GALNT18: variants seen among roughly 807,000 people sequenced by gnomAD.
GALNT18 encodes the protein polypeptide N-acetylgalactosaminyltransferase 18, also known as GalNAc-transferase 18.
A neutral mutation model predicts 69.5 loss-of-function variants in GALNT18; 44 were observed. That is an observed-to-expected ratio of 0.63 (90% CI 0.50 to 0.81). GALNT18 has a LOEUF of 0.81. Ranked by LOEUF, GALNT18 falls within the 40% of genes least tolerant of loss-of-function variation. The pLI is 0.00. For missense variants in GALNT18, 715 were observed against 810.0 expected (o/e 0.88, Z 1.42); for synonymous variants, 364 against 318.2 (o/e 1.14, Z -1.53).
At chr11:11,490,090 G>A (rs1856729889) in intron 1 of GALNT18, among the ~76,000 whole-genome samples, 1 of 152,182 alleles carries the variant, frequency 6.6e-6, no homozygotes, top group Admixed American at 6.5e-5. Flanking sequence ...CTTCATGAAT[G>A]CATTAATGCC....
In GALNT18 at chr11:11,503,887, G is replaced by A. The variant is rs1857020611; in HGVS notation, c.236-54951C>T. On this transcript the variant is annotated intron_variant, in intron 1 of 10. Coordinates refer to ENST00000227756, the MANE Select transcript of GALNT18 (RefSeq NM_198516.3). ...AATCTCCCTGGTCAAATCATTGCCA[G>A]CAGTGCAGAAACCCCTTGTTCTCCC... Among the ~76,000 whole-genome samples the A allele has an allele frequency of 3.3e-5, 5 of 152,302 alleles. No homozygotes were observed. The South Asian group carries it at 1.0e-3, about 32-fold the overall frequency.
chr11:11,536,152 G>A (rs1409214886), intron 1 of GALNT18, among the ~76,000 whole-genome samples: 2 of 152,068 alleles, frequency 1.3e-5, no homozygotes, highest in Admixed American at 1.3e-4. Context: ...CAAGACCTTG[G>A]GCTAAATTGG....
chr11:11,551,328 C>T (rs1858184464), intron 1 of GALNT18, among the ~76,000 whole-genome samples: 1 of 152,082 alleles, frequency 6.6e-6, no homozygotes, highest in Admixed American at 6.5e-5. Flanking sequence ...TCTTCACCCT[C>T]CCCTGAAGGA....
chr11:11,290,561 C>T (rs1849278585), intron 10 of GALNT18, among the ~76,000 whole-genome samples: 2 of 152,226 alleles, frequency 1.3e-5, no homozygotes, highest in Non-Finnish European at 1.5e-5. Context: ...GCTCCCTGAG[C>T]ACAGCCTGCT....
intron 1 of GALNT18, among the ~76,000 whole-genome samples, chr11:11,467,081 A>G (rs1856169409): frequency 6.6e-6 from 1 of 152,242 alleles, no homozygotes; most frequent in African/African-American, 2.4e-5. Context: ...GGAGGAGAAC[A>G]TCTTCCGAAC....
rs1859599274 is a variant in GALNT18 at position 11,600,170 on chromosome 11, G to GAGA, written c.235+21186_235+21188dup. Reference sequence around the variant, plus strand: ...TAAATCAGTTAAGAGAAGAAAGGAGGAGAAATATACAAATACGTTGTTTTT... The same window carrying GAGA: ...TAAATCAGTTAAGAGAAGAAAGGAGGAGAAGAAATATACAAATACGTTGTTTTT... On this transcript the variant is annotated intron_variant, in intron 1 of 10. Coordinates refer to ENST00000227756, the MANE Select transcript of GALNT18 (RefSeq NM_198516.3). This position sits in a 1 kb window ranked among gnomAD's most constrained non-coding sequence, Gnocchi z 4.8. Among the ~76,000 whole-genome samples, 1 of 152,078 alleles carries GAGA rather than the reference G, an allele frequency of 6.6e-6. No homozygotes were observed.
chr11:11,275,188 A>C (rs1848914360), intron 10 of GALNT18, among the ~76,000 whole-genome samples: 1 of 152,232 alleles, frequency 6.6e-6, no homozygotes, highest in Admixed American at 6.5e-5. Context: ...CTATTTCTCC[A>C]CATCCTCTCT....
intron 1 of GALNT18, among the ~76,000 whole-genome samples, chr11:11,468,087 C>A (rs1349615074): frequency 1.3e-5 from 2 of 152,218 alleles, no homozygotes; most frequent in Non-Finnish European, 2.9e-5. Context: ...CCTGTCTTAT[C>A]CTCTGAGAAA....
At chr11:11,473,397 T>C (rs1253126749) in intron 1 of GALNT18, among the ~76,000 whole-genome samples, 1 of 152,220 alleles carries the variant, frequency 6.6e-6, no homozygotes, top group Non-Finnish European at 1.5e-5. Context: ...AAATGAAAGA[T>C]TTGCCTTTCA....
intron 1 of GALNT18, among the ~76,000 whole-genome samples, chr11:11,474,292 A>C (rs1348347471): frequency 6.6e-6 from 1 of 152,194 alleles, no homozygotes; most frequent in African/African-American, 2.4e-5. Flanking sequence ...CAGCAAGTAT[A>C]AAAGACTTGT....
At position 11,409,757 on chromosome 11, in the gene GALNT18, G is replaced by A. The variant is rs185528248; in HGVS notation, c.595+22864C>T. ...CCCAAATTACTATGTGAGTTGGAAC[G>A]GGGAACTAATAAGGGGACTGGACCA... On this transcript the variant is annotated intron_variant, in intron 3 of 10. Transcript: ENST00000227756. Among the ~76,000 whole-genome samples, 436 of 152,254 alleles carry A rather than the reference G, an allele frequency of 2.9e-3. 1 individual carries two copies. The highest frequency in any genetic ancestry group is 9.7e-3 in the African/African-American group (403 of 41,556).
At chr11:11,325,181 AG>A (rs1260064043) in intron 9 of GALNT18, among the ~76,000 whole-genome samples, 5 of 152,388 alleles carry the variant, frequency 3.3e-5, no homozygotes, top group African/African-American at 9.6e-5. Flanking sequence ...AGCCACAAAA[AG>A]AAATAAAATA....
At chr11:11,334,243 G>A (rs1290725837) in intron 7 of GALNT18, among the ~76,000 whole-genome samples, 1 of 152,110 alleles carries the variant, frequency 6.6e-6, no homozygotes, top group Non-Finnish European at 1.5e-5. Flanking sequence ...GTGGGCTTGA[G>A]TGAAAACACA....
rs547032553 is a variant in GALNT18 at position 11,504,485 on chromosome 11, G to A, written c.236-55549C>T. 3.9e-5 allele frequency among the ~76,000 whole-genome samples: 6 copies of A among 152,220 alleles called. No individual in the cohort carries two copies. In the South Asian group the frequency reaches 1.2e-3, roughly 32 times the overall value. ...AATAAATCAGGTCATCACCGGGCGTGATGGCTCATGTGTGTAATCCCTGCA... is the reference window on the plus strand; with the variant it reads ...AATAAATCAGGTCATCACCGGGCGTAATGGCTCATGTGTGTAATCCCTGCA... On this transcript the variant is annotated intron_variant, in intron 1 of 10. Coordinates refer to ENST00000227756, the MANE Select transcript of GALNT18 (RefSeq NM_198516.3).
chr11:11,299,334 C>CA (rs1849453872), intron 9 of GALNT18, among the ~76,000 whole-genome samples: 2 of 151,988 alleles, frequency 1.3e-5, no homozygotes, highest in Admixed American at 1.3e-4. Flanking sequence ...TTAGTAGGGA[C>CA]AGGGTTTCAA....
At chr11:11,471,879 T>G (rs1222967375) in intron 1 of GALNT18, among the ~76,000 whole-genome samples, 1 of 152,166 alleles carries the variant, frequency 6.6e-6, no homozygotes, top group Non-Finnish European at 1.5e-5. Flanking sequence ...ATCAAACAGC[T>G]TTGCAGCCTG....
At chr11:11,417,186 G>T (rs1169126403) in intron 3 of GALNT18, among the ~76,000 whole-genome samples, 1 of 152,186 alleles carries the variant, frequency 6.6e-6, no homozygotes, top group Non-Finnish European at 1.5e-5. Flanking sequence ...TTTCTGAAAC[G>T]GCTGCTCAGC....
chr11:11,507,782 G>A (rs1323477155), intron 1 of GALNT18, among the ~76,000 whole-genome samples: 2 of 152,204 alleles, frequency 1.3e-5, no homozygotes, highest in Non-Finnish European at 1.5e-5. Context: ...GACTGGGAAA[G>A]GTAGACCCAC....
chr11:11,479,919 CT>C (rs1037751341), intron 1 of GALNT18, among the ~76,000 whole-genome samples: 1 of 152,140 alleles, frequency 6.6e-6, no homozygotes, highest in Admixed American at 6.5e-5. Context: ...TCAAATTGCA[CT>C]GTGGAGAGGT....
Sources: allele counts gnomAD v4.1 joint callset (sites outside exome capture counted in the v4.1 genomes callset), GRCh38; gene constraint gnomAD v4.1.1; non-coding constraint Gnocchi (gnomAD v3.1); transcripts MANE v1.5; gene names NCBI Gene and HGNC (gene_info 2026-07-23, HGNC 2026-07-21).